Variants in MAP2K3 observed in about 807,000 individuals in gnomAD.
MAP2K3 encodes mitogen-activated protein kinase kinase 3.
A neutral mutation model predicts 46.4 loss-of-function variants in MAP2K3; 30 were observed. The observed-to-expected ratio is 0.65, with a 90% CI of 0.48 to 0.88. The LOEUF (loss-of-function observed/expected upper bound fraction) is 0.88, where lower values mean the gene tolerates loss of function less well. MAP2K3 is among the 40% of genes least tolerant of loss of function. The pLI is 0.00. For synonymous variants in MAP2K3, 189 were observed against 176.3 expected, an observed-to-expected ratio of 1.07 and a Z score of -0.57; for missense variants, 380 against 464.5, an observed-to-expected ratio of 0.82 and a Z score of 1.67.
chr17:21,305,719 G>A (rs1976860413), intron 9 of MAP2K3, among the ~76,000 whole-genome samples: 1 of 152,310 alleles, frequency 6.6e-6, no homozygotes, highest in South Asian at 2.1e-4. Context: ...AGGTCAAGGT[G>A]TGGGTGAGCC....
chr17:21,291,571 C>T (rs919829367), intron 1 of MAP2K3: 1 of 456,420 alleles, frequency 2.2e-6, no homozygotes, highest in African/African-American at 2.0e-5. Flanking sequence ...TTCTGATGCT[C>T]TGGGAGGGCT....
intron 3 of MAP2K3, 71 bp downstream of exon 3, chr17:21,298,997 G>T: frequency 6.2e-7 from 1 of 1,605,982 alleles, no homozygotes; most frequent in African/African-American, 1.3e-5. Context: ...GACCCTGCAG[G>T]GCCACTTTGG....
chr17:21,289,293 C>T (rs985925724), intron 1 of MAP2K3, among the ~76,000 whole-genome samples: 6 of 152,130 alleles, frequency 3.9e-5, no homozygotes, highest in Non-Finnish European at 7.4e-5. Flanking sequence ...CCTGCCCTGC[C>T]CCTGGCTTTG....
At chr17:21,294,471 A>C (rs1006158589) in intron 1 of MAP2K3, among the ~76,000 whole-genome samples, 1 of 152,312 alleles carries the variant, frequency 6.6e-6, no homozygotes, top group Admixed American at 6.5e-5. Context: ...AGGGTCACAC[A>C]GCTTGGTCTC....
intron 1 of MAP2K3, 50 bp from the exon 2 acceptor site, chr17:21,298,363 A>G (rs1258540763): frequency 1.2e-6 from 2 of 1,611,738 alleles, no homozygotes; most frequent in Non-Finnish European, 1.7e-6. Flanking sequence ...AGTGCAGGGG[A>G]CATTGATGTC....
intron 2 of MAP2K3, 79 bp downstream of exon 2, chr17:21,298,558 G>C: frequency 6.2e-7 from 1 of 1,610,716 alleles, no homozygotes; most frequent in Non-Finnish European, 8.5e-7. Flanking sequence ...GTGAGAGGCA[G>C]GTGGGGCCAG....
rs755054165 is a variant in MAP2K3, at chr17:21,300,576, C to T, written c.197C>T (p.Thr66Ile). The change falls in exon 4 of 12, where the codon ACC becomes ATC. Residue 66 changes from threonine to isoleucine, a missense_variant. By Grantham distance (89) the Thr-to-Ile change is moderately conservative. This residue lies in a region of MAP2K3 where 294 missense variants were observed against 275.4 expected (regional missense o/e 1.07). Transcript: ENST00000342679. The part of the protein sequence containing the change: ...NFEVEADDLV[T>I]ISELGRGAYG... ...GAGGTGGAGGCTGATGACTTGGTGA[C>T]CATCTCAGAACTGGGCCGTGGAGCC... 2 of 1,612,854 alleles carry T rather than the reference C, an allele frequency of 1.2e-6. No individual in the cohort carries two copies. Among genetic ancestry groups the T allele is most frequent in the Non-Finnish European group, 1.7e-6 (2 of 1,179,512 alleles).
At chr17:21,296,261 G>T in intron 1 of MAP2K3, 2 of 1,142,424 alleles carry the variant, frequency 1.8e-6, no homozygotes, top group Non-Finnish European at 2.3e-6. Flanking sequence ...AACCCAAGGT[G>T]CAGAGGAGGG....
At position 21,314,325 on chromosome 17, in the gene MAP2K3, G is replaced by C; in HGVS notation, c.*95G>C. ...CCACACCATAAGCTACTGCCATCCTGGCCCAGGGCATCTGGGAGGAACCGA... is the reference window on the plus strand; with the variant it reads ...CCACACCATAAGCTACTGCCATCCTCGCCCAGGGCATCTGGGAGGAACCGA... On this transcript the variant is annotated 3_prime_UTR_variant, in exon 12 of 12. Transcript: ENST00000342679. The C allele has an allele frequency of 8.7e-7, 1 of 1,148,186 alleles. No homozygotes were observed. The highest frequency in any genetic ancestry group is 1.7e-5 in the Admixed American group (1 of 58,080). 71.1% of individuals were successfully genotyped at this position (1,148,186 alleles called of 1,614,324 possible).
chr17:21,297,331 A>G (rs1316480134), intron 1 of MAP2K3, among the ~76,000 whole-genome samples: 1 of 152,310 alleles, frequency 6.6e-6, no homozygotes. Context: ...ACCAGCAGCC[A>G]GGGTGAGCCA....
intron 1 of MAP2K3, among the ~76,000 whole-genome samples, chr17:21,292,388 C>CTTTTTT (rs1975991385): frequency 6.7e-6 from 1 of 148,692 alleles, no homozygotes. Context: ...TTCTTCTTCT[C>CTTTTTT]ATTTTTTTTT....
intron 2 of MAP2K3, 51 bp downstream of exon 2, chr17:21,298,530 CAGG>C: frequency 8.1e-6 from 13 of 1,614,066 alleles, no homozygotes; most frequent in Non-Finnish European, 1.1e-5. Flanking sequence ...GCTTCCCGAA[CAGG>C]GCTCAATGGA....
intron 1 of MAP2K3, among the ~76,000 whole-genome samples, chr17:21,296,503 A>G (rs1976259735): frequency 6.6e-6 from 1 of 152,312 alleles, no homozygotes; most frequent in Non-Finnish European, 1.5e-5. Flanking sequence ...CGCCTCAGGG[A>G]GGGCTCCCTG....
intron 1 of MAP2K3, among the ~76,000 whole-genome samples, chr17:21,297,623 C>T (rs1976331964): frequency 6.6e-6 from 1 of 152,308 alleles, no homozygotes; most frequent in African/African-American, 2.4e-5. Context: ...CATGCCAGCC[C>T]CACTGTGCCT....
At chr17:21,312,793 T>C (rs1977226754) in intron 10 of MAP2K3, among the ~76,000 whole-genome samples, 1 of 152,024 alleles carries the variant, frequency 6.6e-6, no homozygotes, top group South Asian at 2.1e-4. Context: ...CGCATGCCTA[T>C]AATCCCAGCT....
intron 1 of MAP2K3, among the ~76,000 whole-genome samples, chr17:21,286,241 T>C (rs1975719422): frequency 6.6e-6 from 1 of 152,226 alleles, no homozygotes; most frequent in South Asian, 2.1e-4. Context: ...CGCTATTGTT[T>C]CCATTCTTCT....
chr17:21,307,356 C>CG (rs1976940283), intron 9 of MAP2K3, among the ~76,000 whole-genome samples: 1 of 138,118 alleles, frequency 7.2e-6, no homozygotes, highest in African/African-American at 2.6e-5. Context: ...TTTTATGCCA[C>CG]GGGGGTGGAG....
chr17:21,288,363 C>A (rs1176886028), intron 1 of MAP2K3, among the ~76,000 whole-genome samples: 2 of 152,342 alleles, frequency 1.3e-5, no homozygotes, highest in East Asian at 3.9e-4. Context: ...AGAGCAGGAG[C>A]AGGTGGCAGT....
At chr17:21,306,976 G>T (rs903068839) in intron 9 of MAP2K3, among the ~76,000 whole-genome samples, 2 of 152,302 alleles carry the variant, frequency 1.3e-5, no homozygotes, top group African/African-American at 4.8e-5. Context: ...TGTAGAAAAG[G>T]GGTCTCACTA....
Sources: gnomAD v4.1 joint callset for allele counts (sites outside exome capture counted in the v4.1 genomes callset) on GRCh38, gnomAD v4.1.1 for gene constraint, gnomAD v4.1.1 regional missense constraint, MANE v1.5 for transcripts, NCBI Gene and HGNC (gene_info 2026-07-23, HGNC 2026-07-21) for gene names.